Variants in GRM1 observed in about 807,000 individuals in gnomAD.
GRM1 encodes glutamate metabotropic receptor 1, also known as metabotropic glutamate receptor 1.
Under a neutral mutation model 90.9 loss-of-function variants are expected in GRM1, and 33 were observed. That is an observed-to-expected ratio of 0.36 (90% CI 0.28 to 0.49). GRM1 has a LOEUF of 0.49. Ranked by LOEUF, GRM1 falls within the 20% of genes least tolerant of loss-of-function variation. The probability of loss-of-function intolerance (pLI) is 0.99; values close to 1 mark genes in which losing one functional copy is unlikely to be tolerated. For missense variants in GRM1, 1,190 were observed against 1,534.3 expected, an observed-to-expected ratio of 0.78 and a Z score of 3.75; for synonymous variants, 700 against 613.2, an observed-to-expected ratio of 1.14 and a Z score of -2.09.
intron 3 of GRM1, among the ~76,000 whole-genome samples, chr6:146,329,317 C>G (rs151090584): frequency 1.6e-4 from 24 of 152,250 alleles, no homozygotes; most frequent in Non-Finnish European, 3.1e-4. Context: ...TATTATAATT[C>G]AAGTACTATT....
chr6:146,044,032 T>C (rs983500179), intron 1 of GRM1, among the ~76,000 whole-genome samples: 3 of 151,836 alleles, frequency 2.0e-5, no homozygotes, highest in Non-Finnish European at 2.9e-5. Context: ...TTTCAGATTA[T>C]TTGAAATTCC....
chr6:146,396,510 G>A (rs1412181759), intron 6 of GRM1, among the ~76,000 whole-genome samples: 1 of 152,160 alleles, frequency 6.6e-6, no homozygotes, highest in Admixed American at 6.5e-5. Flanking sequence ...GGCCAGCTTG[G>A]ATTGGACACT....
chr6:146,225,155 G>A (rs563209646), intron 2 of GRM1, among the ~76,000 whole-genome samples: 3 of 152,210 alleles, frequency 2.0e-5, no homozygotes, highest in East Asian at 1.9e-4. Flanking sequence ...TCTGGTCCAC[G>A]GGAATCACAG....
chr6:146,278,691 G>A (rs1395561879), intron 2 of GRM1, among the ~76,000 whole-genome samples: 1 of 152,188 alleles, frequency 6.6e-6, no homozygotes, highest in East Asian at 1.9e-4. Context: ...AGCTGAGGCA[G>A]GAGAATCACT....
At chr6:146,247,494 A>T (rs1160732068) in intron 2 of GRM1, among the ~76,000 whole-genome samples, 2 of 152,156 alleles carry the variant, frequency 1.3e-5, no homozygotes, top group African/African-American at 4.8e-5. Flanking sequence ...CATGCCTGTA[A>T]TCCCAGCACT....
chr6:146,203,093 C>A (rs1779369907), intron 2 of GRM1, among the ~76,000 whole-genome samples: 1 of 151,934 alleles, frequency 6.6e-6, no homozygotes, highest in African/African-American at 2.4e-5. Context: ...ACTGGGGAGG[C>A]TGAGGCAGGA....
At chr6:146,361,001 A>G (rs1775445494) in intron 5 of GRM1, among the ~76,000 whole-genome samples, 1 of 152,188 alleles carries the variant, frequency 6.6e-6, no homozygotes, top group Non-Finnish European at 1.5e-5. Context: ...AGAGGAATGA[A>G]AGTGTTCACT....
At chr6:146,132,285 T>TG (rs141224118) in intron 1 of GRM1, among the ~76,000 whole-genome samples, 2,511 of 151,450 alleles carry the variant, frequency 0.017, 87 homozygotes, top group East Asian at 0.095. Flanking sequence ...GTGGATGTGG[T>TG]GGGGGGGGAC....
chr6:146,196,728 G>A (rs1227028871), intron 2 of GRM1, among the ~76,000 whole-genome samples: 1 of 152,050 alleles, frequency 6.6e-6, no homozygotes, highest in Non-Finnish European at 1.5e-5. Flanking sequence ...TTTGAGATTG[G>A]GGCTCAGCCA....
chr6:146,057,429 C>G (rs186121317), intron 1 of GRM1, among the ~76,000 whole-genome samples: 6 of 152,228 alleles, frequency 3.9e-5, no homozygotes, highest in Non-Finnish European at 8.8e-5. Flanking sequence ...GAAAACGGCA[C>G]ACCTTTTTGA....
At chr6:146,320,415 C>G (rs1314470592) in intron 3 of GRM1, among the ~76,000 whole-genome samples, 1 of 151,994 alleles carries the variant, frequency 6.6e-6, no homozygotes, top group Non-Finnish European at 1.5e-5. Flanking sequence ...GGGATATTGG[C>G]CTGAAATTTT....
chr6:146,426,605 CAT>C, intron 7 of GRM1: 2 of 1,605,586 alleles, frequency 1.2e-6, no homozygotes, highest in Non-Finnish European at 1.7e-6. Context: ...TCCGTCGGCA[CAT>C]GTGCAGCTTT....
chr6:146,368,260 T>TTGG (rs1491160990), intron 5 of GRM1, among the ~76,000 whole-genome samples: 2,018 of 115,754 alleles, frequency 0.017, 74 homozygotes, highest in East Asian at 0.1. Flanking sequence ...AGTTTTTTTT[T>TTGG]GGGGGGGGGG....
intron 1 of GRM1, among the ~76,000 whole-genome samples, chr6:146,047,769 T>C (rs1791387483): frequency 6.6e-6 from 1 of 152,008 alleles, no homozygotes; most frequent in African/African-American, 2.4e-5. Context: ...GAGAATTTAG[T>C]TTGAAACTTA....
intron 2 of GRM1, among the ~76,000 whole-genome samples, chr6:146,185,317 T>TG (rs1170728839): frequency 6.6e-6 from 1 of 152,180 alleles, no homozygotes; most frequent in Non-Finnish European, 1.5e-5. Context: ...TAAAAGAACA[T>TG]GGGGCTAGTC....
chr6:146,198,033 G>A (rs1779178949), intron 2 of GRM1, among the ~76,000 whole-genome samples: 2 of 152,180 alleles, frequency 1.3e-5, no homozygotes, highest in African/African-American at 2.4e-5. Context: ...AGGGATACAA[G>A]GACACTTGGG....
At chr6:146,162,649 C>T (rs995090447) in intron 2 of GRM1, among the ~76,000 whole-genome samples, 5 of 152,086 alleles carry the variant, frequency 3.3e-5, no homozygotes, top group Non-Finnish European at 7.4e-5. Flanking sequence ...CTATTTATTT[C>T]ATAACAAAGT....
intron 2 of GRM1, among the ~76,000 whole-genome samples, chr6:146,162,773 G>C (rs1038613650): frequency 6.6e-6 from 1 of 151,860 alleles, no homozygotes; most frequent in Non-Finnish European, 1.5e-5. Context: ...AGTTCTCATA[G>C]AGAATAAAAA....
At chr6:146,145,559 G>A (rs1777064095) in intron 1 of GRM1, among the ~76,000 whole-genome samples, 1 of 152,178 alleles carries the variant, frequency 6.6e-6, no homozygotes, top group Non-Finnish European at 1.5e-5. Context: ...GTAAACTTTG[G>A]TGGCGTCCAC....
Sources: gnomAD v4.1 joint callset for allele counts (sites outside exome capture counted in the v4.1 genomes callset) on GRCh38, gnomAD v4.1.1 for gene constraint, MANE v1.5 for transcripts, NCBI Gene and HGNC (gene_info 2026-07-23, HGNC 2026-07-21) for gene names.